CASR: variants seen among roughly 807,000 people sequenced by gnomAD.
The protein encoded by CASR is calcium sensing receptor.
In CASR, 23 loss-of-function variants were observed where a neutral mutation model predicts 69.1. The ratio of observed to expected loss-of-function variants is 0.33; its 90% CI spans 0.24 to 0.47. The LOEUF is 0.47. Among genes scored for constraint, CASR ranks in the 20% least tolerant of loss-of-function variants. CASR has a pLI of 1.00. For missense variants in CASR, 924 were observed against 1,356.1 expected, an observed-to-expected ratio of 0.68 and a Z score of 5.00; for synonymous variants, 541 against 544.7, an observed-to-expected ratio of 0.99 and a Z score of 0.10.
intron 1 of CASR, among the ~76,000 whole-genome samples, chr3:122,211,846 C>T (rs749118879): frequency 6.6e-5 from 10 of 152,154 alleles, no homozygotes; most frequent in Non-Finnish European, 1.5e-4. Flanking sequence ...AACACGAAAC[C>T]AACCCACAAT....
intron 3 of CASR, among the ~76,000 whole-genome samples, chr3:122,258,198 A>T (rs2074577298): frequency 6.6e-6 from 1 of 152,200 alleles, no homozygotes; most frequent in African/African-American, 2.4e-5. Flanking sequence ...AACAACCTAA[A>T]TGTCTGTGGG....
At position 122,284,232 on chromosome 3, in the gene CASR, A is replaced by T. The variant is rs1453953571; in HGVS notation, c.2278A>T (p.Ile760Phe). The change falls in exon 7 of 7, where the codon ATC (isoleucine) becomes TTC (phenylalanine). Residue 760 changes from isoleucine (I) to phenylalanine (F), a missense_variant. This residue lies in a region of CASR where 184 missense variants were observed against 278.8 expected (regional missense o/e 0.66). Transcript: ENST00000639785. ...SYRNQELEDE[I>F]IFITCHEGSL... ...CCGCAACCAGGAGCTGGAGGATGAGATCATCTTCATCACGTGCCACGAGGG... is the reference window on the plus strand; with the variant it reads ...CCGCAACCAGGAGCTGGAGGATGAGTTCATCTTCATCACGTGCCACGAGGG... The T allele has an allele frequency of 8.1e-6, 13 of 1,614,002 alleles. No individual in the cohort carries two copies. Among genetic ancestry groups the T allele is most frequent in the Non-Finnish European group, 7.6e-6 (9 of 1,180,012 alleles).
At chr3:122,188,874 A>G (rs563107277) in intron 1 of CASR, among the ~76,000 whole-genome samples, 43 of 152,312 alleles carry the variant, frequency 2.8e-4, no homozygotes, top group Admixed American at 2.7e-3. Context: ...GGTAGTTCCT[A>G]TTTCATCATG....
chr3:122,206,887 TC>T (rs745677717), intron 1 of CASR, among the ~76,000 whole-genome samples: 3 of 152,068 alleles, frequency 2.0e-5, no homozygotes, highest in Non-Finnish European at 2.9e-5. Context: ...CTCTAATGAT[TC>T]TTTGTAATTC....
intron 3 of CASR, 77 bp downstream of exon 3, chr3:122,257,464 C>A: frequency 9.5e-7 from 1 of 1,049,208 alleles, no homozygotes; most frequent in Non-Finnish European, 1.5e-6. Flanking sequence ...GCCCAATAGC[C>A]ATACGGTTTA....
chr3:122,218,058 G>A (rs1287634507), intron 1 of CASR, among the ~76,000 whole-genome samples: 1 of 151,960 alleles, frequency 6.6e-6, no homozygotes, highest in Non-Finnish European at 1.5e-5. Flanking sequence ...GTCCATTGAA[G>A]TGATTCAAAC....
chr3:122,204,948 T>G (rs1559937152), intron 1 of CASR, among the ~76,000 whole-genome samples: 1 of 152,142 alleles, frequency 6.6e-6, no homozygotes, highest in Non-Finnish European at 1.5e-5. Context: ...TTGAGTTGTT[T>G]TGAGTTCTTT....
At chr3:122,207,575 G>A (rs1207424418) in intron 1 of CASR, among the ~76,000 whole-genome samples, 1 of 152,022 alleles carries the variant, frequency 6.6e-6, no homozygotes, top group African/African-American at 2.4e-5. Context: ...GAACACCAAT[G>A]AGTCAATGAA....
chr3:122,200,389 CACAT>C lies in CASR; in HGVS notation c.-243+16583_-243+16586del, dbSNP rs143139511. On this transcript the variant is annotated intron_variant, in intron 1 of 6. Transcript: ENST00000639785. Reference sequence around the variant, plus strand: ...TCATAATGAAAGCAAAATAAATACACACATACATATATTACCTTATACCAGAAAC... The same window carrying C: ...TCATAATGAAAGCAAAATAAATACACACATATATTACCTTATACCAGAAAC... Among the ~76,000 whole-genome samples, 1,090 of 152,198 alleles carry C rather than the reference CACAT, an allele frequency of 7.2e-3. 18 individuals carry two copies. The highest frequency in any genetic ancestry group is 0.024 in the African/African-American group (1,016 of 41,526).
chr3:122,282,347 A>G (rs754420513), intron 6 of CASR, 111 bp downstream of exon 6: 4 of 1,082,922 alleles, frequency 3.7e-6, no homozygotes, highest in Admixed American at 1.7e-5. Context: ...ACAGTTTCTC[A>G]TTTAACAAAG....
rs2074988787 is a variant in CASR, at chr3:122,288,596, C to G, written c.*3405C>G. 1 of 152,004 alleles carries G rather than the reference C, an allele frequency of 6.6e-6. No homozygotes were observed. Among genetic ancestry groups the G allele is most frequent in the Non-Finnish European group, 1.5e-5 (1 of 68,046 alleles). 9.4% of individuals were successfully genotyped at this position (152,004 alleles called of 1,614,324 possible). A position where few individuals can be genotyped will look rare whatever the true frequency, so the allele number is the denominator to read the frequency against. ...CCTCTAATATTCTATTCCTCTACAT[C>G]TGCTTGGGAAAGTATAAACCTCATA... On this transcript the variant is annotated 3_prime_UTR_variant, in exon 7 of 7. Transcript: ENST00000639785.
At chr3:122,258,739 T>C (rs2074585102) in intron 3 of CASR, among the ~76,000 whole-genome samples, 1 of 152,178 alleles carries the variant, frequency 6.6e-6, no homozygotes, top group South Asian at 2.1e-4. Context: ...TATAAGTCTA[T>C]CTACAGTAGG....
chr3:122,228,213 A>G (rs2074244254), intron 1 of CASR, among the ~76,000 whole-genome samples: 1 of 152,170 alleles, frequency 6.6e-6, no homozygotes, highest in African/African-American at 2.4e-5. Context: ...AACACTAGTA[A>G]TCTTTTCTTG....
At chr3:122,220,881 G>A (rs1035040576) in intron 1 of CASR, among the ~76,000 whole-genome samples, 13 of 152,154 alleles carry the variant, frequency 8.5e-5, no homozygotes, top group Admixed American at 8.5e-4. Context: ...GGCTGAGGCA[G>A]GAAAATCACT....
At chr3:122,242,459 G>C (rs1381066298) in intron 1 of CASR, among the ~76,000 whole-genome samples, 1 of 151,890 alleles carries the variant, frequency 6.6e-6, no homozygotes, top group African/African-American at 2.4e-5. Flanking sequence ...TAAATACTTA[G>C]GAATTAATCA....
rs754332943 is a variant in CASR, at chr3:122,284,293, C to T, written c.2339C>T (p.Thr780Ile). 1 of 1,614,164 alleles carries T rather than the reference C, an allele frequency of 6.2e-7. No individual in the cohort carries two copies. Among genetic ancestry groups the T allele is most frequent in the South Asian group, 1.1e-5 (1 of 91,088 alleles). ...GCCCTGGGCTTCCTGATCGGCTACA[C>T]CTGCCTGCTGGCTGCCATCTGCTTC... The part of the protein sequence containing the change: ...LMALGFLIGY[T>I]CLLAAICFFF... The change falls in exon 7 of 7, where the codon ACC (threonine) becomes ATC (isoleucine). Residue 780 changes from threonine (T) to isoleucine (I), a missense_variant. This residue lies in a region of CASR where 184 missense variants were observed against 278.8 expected (regional missense o/e 0.66). Transcript: ENST00000639785.
chr3:122,202,180 G>T (rs2073962178), intron 1 of CASR, among the ~76,000 whole-genome samples: 1 of 152,240 alleles, frequency 6.6e-6, no homozygotes, highest in South Asian at 2.1e-4. Context: ...ACCTCGGGAG[G>T]CCAAGGCTGG....
At chr3:122,189,401 T>C (rs888414818) in intron 1 of CASR, among the ~76,000 whole-genome samples, 1 of 152,212 alleles carries the variant, frequency 6.6e-6, no homozygotes, top group Non-Finnish European at 1.5e-5. Flanking sequence ...CCCAGGGTCT[T>C]TCCTCACATT....
intron 4 of CASR, among the ~76,000 whole-genome samples, chr3:122,271,457 C>T (rs959580690): frequency 1.3e-5 from 2 of 152,220 alleles, no homozygotes; most frequent in Non-Finnish European, 2.9e-5. Flanking sequence ...TGCCATGTCT[C>T]ATTACTCAAC....
Sources: gnomAD v4.1 joint callset for allele counts (sites outside exome capture counted in the v4.1 genomes callset) on GRCh38, gnomAD v4.1.1 for gene constraint, gnomAD v4.1.1 regional missense constraint, MANE v1.5 for transcripts, NCBI Gene and HGNC (gene_info 2026-07-23, HGNC 2026-07-21) for gene names.